Variants in MACC1 observed in about 807,000 individuals in gnomAD.
MACC1 encodes MET transcriptional regulator MACC1, also known as metastasis-associated in colon cancer protein 1.
In MACC1, 79 loss-of-function variants were observed where a neutral mutation model predicts 70.7. That is an observed-to-expected ratio of 1.12 (90% confidence interval 0.93 to 1.35). The LOEUF (loss-of-function observed/expected upper bound fraction) is 1.35. Ranked by LOEUF, MACC1 falls within the 40% of genes most tolerant of loss-of-function variation. MACC1 has a pLI of 0.00. For synonymous variants in MACC1, 361 were observed against 347.2 expected, an observed-to-expected ratio of 1.04 and a Z score of -0.44; for missense variants, 1,106 against 978.1, an observed-to-expected ratio of 1.13 and a Z score of -1.74.
Position 20,154,299 on chromosome 7 carries a change from C to T in MACC1, c.2240G>A (p.Gly747Glu). 1 of 1,613,964 alleles carries T rather than the reference C, an allele frequency of 6.2e-7. No individual in the cohort carries two copies. Among genetic ancestry groups the T allele is most frequent in the Non-Finnish European group, 8.5e-7 (1 of 1,179,924 alleles). Residue 747 changes from glycine to glutamate, a missense_variant, in exon 6 of 7, where the codon GGA becomes GAA. By Grantham distance (98) the Gly-to-Glu change is moderately conservative. Transcript: ENST00000400331. ...TTCAGCTAGTTCCCTCCAGCCTTTTCCAAGCTTGACAGCTGAAGTCAGAAC... is the reference window on the plus strand; with the variant it reads ...TTCAGCTAGTTCCCTCCAGCCTTTTTCAAGCTTGACAGCTGAAGTCAGAAC... ...AAVLTSAVKL[G>E]KGWRELAEKL... is the part of the protein sequence containing the mutation.
chr7:20,181,640 A>G (rs1782509233), intron 1 of MACC1, among the ~76,000 whole-genome samples: 1 of 152,168 alleles, frequency 6.6e-6, no homozygotes, highest in South Asian at 2.1e-4. Flanking sequence ...TATCTGGTAA[A>G]GAGTATTTGC....
chr7:20,160,325 G>T, intron 4 of MACC1, 80 bp from the exon 5 acceptor site: 1 of 1,439,630 alleles, frequency 6.9e-7, no homozygotes. Flanking sequence ...TTTTCCCATA[G>T]CTTAAAAATT....
intron 2 of MACC1, among the ~76,000 whole-genome samples, chr7:20,165,620 G>A (rs1583391856): frequency 6.6e-6 from 1 of 151,894 alleles, no homozygotes; most frequent in East Asian, 1.9e-4. Flanking sequence ...AATCACATTA[G>A]CCACATTTAG....
chr7:20,208,617 T>C (rs1483568688), intron 1 of MACC1, among the ~76,000 whole-genome samples: 1 of 151,544 alleles, frequency 6.6e-6, no homozygotes, highest in African/African-American at 2.4e-5. Context: ...AAGCAACGCA[T>C]AAAAGTTTGG....
At chr7:20,179,762 A>G (rs1782471233) in intron 1 of MACC1, among the ~76,000 whole-genome samples, 1 of 152,180 alleles carries the variant, frequency 6.6e-6, no homozygotes, top group Non-Finnish European at 1.5e-5. Flanking sequence ...AGTGGTTTCA[A>G]CCAACAAATA....
chr7:20,212,890 G>A (rs11983221), intron 1 of MACC1, among the ~76,000 whole-genome samples: 218 of 152,168 alleles, frequency 1.4e-3, no homozygotes, highest in African/African-American at 5.0e-3. Flanking sequence ...TTCTGTAGGC[G>A]GAAGAATACT....
Position 20,207,598 on chromosome 7 carries a change from T to C in MACC1, c.-218+9701A>G, listed in dbSNP as rs1220633628. On this transcript the variant is annotated intron_variant, in intron 1 of 6. Transcript: ENST00000400331. ...TAGGATTTTTGAACGATGTGCAACA[T>C]AGCGCTATTCACCATGTTGAATTTC... Among the ~76,000 whole-genome samples, 32 of 152,184 alleles carry C rather than the reference T, an allele frequency of 2.1e-4. 1 individual carries two copies. The highest frequency in any genetic ancestry group is 2.1e-3 in the Admixed American group (32 of 15,278).
At chr7:20,141,205 G>C (rs370079842) in intron 6 of MACC1, 47 bp from the exon 7 acceptor site, 3 of 1,316,430 alleles carry the variant, frequency 2.3e-6, no homozygotes, top group Non-Finnish European at 3.1e-6. Context: ...GTAGAAAGGA[G>C]AGGAAAATCG....
chr7:20,199,399 A>C (rs2128108050), intron 1 of MACC1, among the ~76,000 whole-genome samples: 1 of 152,370 alleles, frequency 6.6e-6, no homozygotes, highest in East Asian at 1.9e-4. Context: ...TATTACATGG[A>C]GAAGGGACCT....
rs17142482 is a variant in MACC1 at position 20,140,508 on chromosome 7, A to T, written c.*438T>A. Reference sequence around the variant, plus strand: ...GCTGCCTCCTGGGAACACTGCCTTGATCATGTTGATAGTCTCTAGTTTACC... The same window carrying T: ...GCTGCCTCCTGGGAACACTGCCTTGTTCATGTTGATAGTCTCTAGTTTACC... On this transcript the variant is annotated 3_prime_UTR_variant, in exon 7 of 7. Transcript: ENST00000400331. 13,484 of 153,058 alleles carry T rather than the reference A, an allele frequency of 0.088. 1,782 individuals are homozygous for T. Among genetic ancestry groups the T allele is most frequent in the African/African-American group, 0.29 (11,835 of 41,486 alleles). The allele number at this position is 153,058 out of a possible 1,614,324, so 9.5% of individuals were successfully genotyped here. A position where few individuals can be genotyped will look rare whatever the true frequency, so the allele number is the denominator to read the frequency against.
At chr7:20,152,307 C>T (rs987445057) in intron 6 of MACC1, among the ~76,000 whole-genome samples, 7 of 152,156 alleles carry the variant, frequency 4.6e-5, no homozygotes, top group Admixed American at 3.9e-4. Flanking sequence ...GTGCACTTCC[C>T]TCCCTCTGCA....
intron 1 of MACC1, among the ~76,000 whole-genome samples, chr7:20,199,924 G>A (rs183238900): frequency 5.9e-4 from 89 of 152,052 alleles, no homozygotes; most frequent in African/African-American, 2.1e-3. Flanking sequence ...AAAGGAAAAC[G>A]ACCTTGCAAA....
rs150663927 is a variant in MACC1 at position 20,158,179 on chromosome 7, A to G, written c.2157+25T>C. 71 of 1,531,038 alleles carry G rather than the reference A, an allele frequency of 4.6e-5. No homozygotes were observed. In the East Asian group the frequency reaches 1.5e-3, roughly 32 times the overall value. 94.8% of individuals were successfully genotyped at this position (1,531,038 alleles called of 1,614,324 possible). A position where few individuals can be genotyped will look rare whatever the true frequency, so the allele number is the denominator to read the frequency against. ...TTAATACAATTCTCGATGGCAATTC[A>G]TTACCATGATCAAGCAATACTCACC... On this transcript the variant is annotated intron_variant, in intron 5 of 6. Coordinates refer to ENST00000400331, the MANE Select transcript of MACC1 (RefSeq NM_182762.4).
intron 1 of MACC1, among the ~76,000 whole-genome samples, chr7:20,198,314 G>C (rs927370974): frequency 1.3e-5 from 2 of 152,204 alleles, no homozygotes; most frequent in African/African-American, 4.8e-5. Flanking sequence ...AAGTCCCAGG[G>C]GCTTTTCTGA....
chr7:20,211,424 T>C lies in MACC1; in HGVS notation c.-218+5875A>G, dbSNP rs573511579. Among the ~76,000 whole-genome samples the C allele has an allele frequency of 4.6e-4, 70 of 152,262 alleles. 1 individual carries two copies. The highest frequency in any genetic ancestry group is 1.5e-3 in the African/African-American group (64 of 41,560). On this transcript the variant is annotated intron_variant, in intron 1 of 6. Transcript: ENST00000400331. ...AATGGAAAAGTCATATGAATAATAC[T>C]AAAGTTAATACCTGTGGAAAAGTCA...
At chr7:20,155,951 G>A (rs1018749178) in intron 5 of MACC1, among the ~76,000 whole-genome samples, 1 of 152,206 alleles carries the variant, frequency 6.6e-6, no homozygotes, top group African/African-American at 2.4e-5. Context: ...GACTTTACAT[G>A]CATCACACAG....
chr7:20,208,292 G>A (rs1362312605), intron 1 of MACC1, among the ~76,000 whole-genome samples: 1 of 152,214 alleles, frequency 6.6e-6, no homozygotes, highest in East Asian at 1.9e-4. Context: ...GTAACAGGCA[G>A]AGGTTGGAAC....
chr7:20,146,407 A>T (rs1171573029), intron 6 of MACC1, among the ~76,000 whole-genome samples: 1 of 152,224 alleles, frequency 6.6e-6, no homozygotes, highest in Non-Finnish European at 1.5e-5. Flanking sequence ...ATTTGTGTAC[A>T]TTAATTAACA....
intron 1 of MACC1, among the ~76,000 whole-genome samples, chr7:20,201,714 TG>T (rs1455908448): frequency 6.6e-6 from 1 of 152,152 alleles, no homozygotes; most frequent in Non-Finnish European, 1.5e-5. Flanking sequence ...GTTGTAAGAA[TG>T]GAGAGAAGTG....
Sources: allele counts gnomAD v4.1 joint callset (sites outside exome capture counted in the v4.1 genomes callset), GRCh38; gene constraint gnomAD v4.1.1; transcripts MANE v1.5; gene names NCBI Gene and HGNC (gene_info 2026-07-23, HGNC 2026-07-21).